The following FLNB variants were observed in gnomAD, a reference collection of about 807,000 sequenced individuals.
FLNB encodes filamin-B.
FLNB carries 111 observed loss-of-function variants against 250.6 expected under a neutral mutation model. The ratio of observed to expected loss-of-function variants is 0.44; its 90% CI spans 0.38 to 0.52. FLNB has a LOEUF of 0.52. Ranked by LOEUF, FLNB falls within the 20% of genes least tolerant of loss-of-function variation. The pLI, the probability that FLNB is intolerant of heterozygous loss-of-function variation, is 0.00. For synonymous variants in FLNB, 1,302 were observed against 1,372.1 expected, an observed-to-expected ratio of 0.95 and a Z score of 1.13; for missense variants, 2,869 against 3,447.8, an observed-to-expected ratio of 0.83 and a Z score of 4.20.
intron 1 of FLNB, among the ~76,000 whole-genome samples, chr3:58,033,734 T>C (rs2097134162): frequency 6.6e-6 from 1 of 152,252 alleles, no homozygotes; most frequent in Admixed American, 6.5e-5. Context: ...ATAGTTATTC[T>C]GAAATTCATC....
At chr3:58,081,224 G>C (rs1184739357) in intron 3 of FLNB, among the ~76,000 whole-genome samples, 2 of 152,056 alleles carry the variant, frequency 1.3e-5, no homozygotes, top group East Asian at 3.9e-4. Flanking sequence ...TACAAGCAAA[G>C]GAAAAAGCTG....
At chr3:58,135,651 AAAGAG>A (rs1279610264) in intron 27 of FLNB, among the ~76,000 whole-genome samples, 1 of 152,144 alleles carries the variant, frequency 6.6e-6, no homozygotes, top group Non-Finnish European at 1.5e-5. Context: ...TCCTGTTAAT[AAAGAG>A]AAAAGGGAGA....
intron 38 of FLNB, 118 bp downstream of exon 38, chr3:58,150,345 T>C: frequency 8.7e-7 from 1 of 1,151,246 alleles, no homozygotes; most frequent in Non-Finnish European, 1.3e-6. Context: ...TCGGCTGTGC[T>C]GACCTTTTCA....
rs2097309875 is a variant in FLNB at position 58,132,938 on chromosome 3, TCCATCCATCTGC to T, written c.4514+16_4514+27del. The T allele has an allele frequency of 6.2e-7, 1 of 1,610,218 alleles. No individual in the cohort carries two copies. The highest frequency in any genetic ancestry group is 8.5e-7 in the Non-Finnish European group (1 of 1,178,452). On this transcript the variant is annotated splice_region_variant and intron_variant, in intron 26 of 45. Transcript: ENST00000295956. ...ATGAAGAGATTCCTCGCAGGTAAGCTCCATCCATCTGCCCATCCATTCCTCCATCAGTCTATC... is the reference window on the plus strand; with the variant it reads ...ATGAAGAGATTCCTCGCAGGTAAGCTCCATCCATTCCTCCATCAGTCTATC...
chr3:58,019,555 A>G (rs558522413), intron 1 of FLNB, among the ~76,000 whole-genome samples: 1 of 152,232 alleles, frequency 6.6e-6, no homozygotes, highest in South Asian at 2.1e-4. Flanking sequence ...TTAATCCCTA[A>G]TCCCTGCCTG....
chr3:58,098,595 A>C (rs1210607957), intron 7 of FLNB, 116 bp from the exon 8 acceptor site: 2 of 946,770 alleles, frequency 2.1e-6, no homozygotes, highest in South Asian at 2.9e-5. Context: ...GGCCTCTCGA[A>C]GTGCTGGGAT....
rs1412230283 is a variant in FLNB, at chr3:58,169,907, G to A, written c.7621+114G>A. The A allele has an allele frequency of 3.2e-5, 23 of 724,196 alleles. No homozygotes were observed. The Admixed American group carries it at 6.0e-4, about 19-fold the overall frequency. The allele number at this position is 724,196 out of a possible 1,614,324, so 44.9% of individuals were successfully genotyped here. ...GCAGTGCCCACCCCCATGTAGGCCA[G>A]CCGTTTGCAAGTAACCATCGTCATG... On this transcript the variant is annotated intron_variant, in intron 45 of 45. Transcript: ENST00000295956. This position sits in a 1 kb window ranked among gnomAD's most constrained non-coding sequence, Gnocchi z 4.8.
chr3:58,150,187 C>T lies in FLNB; in HGVS notation c.6327C>T (p.Ala2109=). The T allele has an allele frequency of 6.2e-7, 1 of 1,614,234 alleles. No homozygotes were observed. Among genetic ancestry groups the T allele is most frequent in the South Asian group, 1.1e-5 (1 of 91,084 alleles). The change falls in exon 38 of 46, where the codon GCC becomes GCT. Residue 2109 remains alanine (A), a synonymous_variant. Coordinates refer to ENST00000295956, the MANE Select transcript of FLNB (RefSeq NM_001457.4). ...GCACCAGTCGGGCCCCGTCCGTGGC[C>T]ACTGTCGGGAGCATTTGTGACCTGA... is the stretch of plus-strand genomic sequence containing the variant. ...ITRTSRAPSV[A]TVGSICDLNL...
At chr3:58,061,045 CCA>C (rs1259101517) in intron 1 of FLNB, among the ~76,000 whole-genome samples, 1 of 152,066 alleles carries the variant, frequency 6.6e-6, no homozygotes, top group Non-Finnish European at 1.5e-5. Context: ...TCAGGCAAAC[CCA>C]CAGAGTCTCC....
intron 1 of FLNB, among the ~76,000 whole-genome samples, chr3:58,011,269 G>A (rs1023522271): frequency 1.3e-5 from 2 of 152,082 alleles, no homozygotes; most frequent in East Asian, 1.9e-4. Context: ...TTGTCCCGAC[G>A]TTCCAGGGTT....
intron 28 of FLNB, among the ~76,000 whole-genome samples, chr3:58,138,022 A>T (rs1048428161): frequency 6.6e-6 from 1 of 152,222 alleles, no homozygotes. Context: ...CTTCATTGCC[A>T]TACCTTTAAA....
intron 18 of FLNB, among the ~76,000 whole-genome samples, chr3:58,117,790 G>GTT (rs112592090): frequency 1.6e-4 from 22 of 141,842 alleles, no homozygotes; most frequent in South Asian, 2.2e-4. Context: ...GATGCAACCA[G>GTT]TTTTTTTTTT....
intron 16 of FLNB, among the ~76,000 whole-genome samples, chr3:58,110,691 C>T (rs2097267058): frequency 6.6e-6 from 1 of 152,178 alleles, no homozygotes; most frequent in African/African-American, 2.4e-5. Context: ...GATGATACGC[C>T]TGCCTTGGCC....
chr3:58,157,773 G>A (rs1251700145), intron 41 of FLNB, among the ~76,000 whole-genome samples: 1 of 152,214 alleles, frequency 6.6e-6, no homozygotes, highest in Non-Finnish European at 1.5e-5. Context: ...TAATGTAAAT[G>A]ATTCTGTCTA....
At chr3:58,143,292 G>A (rs2097330166) in intron 31 of FLNB, among the ~76,000 whole-genome samples, 181 bp from the exon 32 acceptor site, 2 of 142,794 alleles carry the variant, frequency 1.4e-5, no homozygotes, top group South Asian at 2.2e-4. Context: ...AAATGGAACT[G>A]GAAAAAAAAA....
intron 24 of FLNB, among the ~76,000 whole-genome samples, chr3:58,128,204 C>T (rs1489073866): frequency 6.6e-6 from 1 of 152,174 alleles, no homozygotes; most frequent in African/African-American, 2.4e-5. Context: ...TGACCACACG[C>T]TTTCCTGATT....
At chr3:58,123,780 C>T in intron 21 of FLNB, 90 bp downstream of exon 21, 1 of 1,102,952 alleles carries the variant, frequency 9.1e-7, no homozygotes. Flanking sequence ...ACTCAGCCAC[C>T]TGCAGGAGCC....
intron 33 of FLNB, 25 bp from the exon 34 acceptor site, chr3:58,146,795 C>G (rs540063422): frequency 1.2e-6 from 2 of 1,613,736 alleles, no homozygotes; most frequent in East Asian, 2.2e-5. Flanking sequence ...CCCTAACACC[C>G]CTGCATCCCT....
chr3:58,134,539 T>G, intron 26 of FLNB, 77 bp from the exon 27 acceptor site: 3 of 1,533,590 alleles, frequency 2.0e-6, no homozygotes, highest in Admixed American at 3.3e-5. Context: ...CCCACTCTTA[T>G]GTGTAAGAAA....
Sources: gnomAD v4.1 joint callset for allele counts (sites outside exome capture counted in the v4.1 genomes callset) on GRCh38, gnomAD v4.1.1 for gene constraint, Gnocchi (gnomAD v3.1) non-coding constraint, MANE v1.5 for transcripts, NCBI Gene and HGNC (gene_info 2026-07-23, HGNC 2026-07-21) for gene names.